The following DST variants were observed in gnomAD, a reference collection of about 807,000 sequenced individuals.
The protein encoded by DST is bullous pemphigoid antigen.
Under a neutral mutation model 875.2 loss-of-function variants are expected in DST, and 253 were observed. That is an observed-to-expected ratio of 0.29 (90% CI 0.26 to 0.32). The LOEUF is 0.32. Among genes scored for constraint, DST ranks in the 10% least tolerant of loss-of-function variants. The pLI is 1.00. For missense variants in DST, 8,287 were observed against 9,111.6 expected (o/e 0.91, Z 3.68); for synonymous variants, 3,124 against 3,197.1 (o/e 0.98, Z 0.77).
chr6:56,485,485 T>G lies in DST; in HGVS notation c.21048-14A>C, dbSNP rs757670804. The G allele has an allele frequency of 4.3e-6, 7 of 1,609,406 alleles. No homozygotes were observed. Among genetic ancestry groups the G allele is most frequent in the Non-Finnish European group, 5.9e-6 (7 of 1,177,774 alleles). The stretch of plus-strand genomic sequence containing the variant: ...AATTTGTTTTGTCTAGGGAAAAAGG[T>G]AGAAAAATTGATCCTTGCAACAAAA... On this transcript the variant is annotated splice_polypyrimidine_tract_variant and intron_variant, in intron 87 of 103. Transcript: ENST00000680361.
intron 69 of DST, among the ~76,000 whole-genome samples, chr6:56,522,119 G>A (rs1351424278): frequency 6.6e-6 from 1 of 152,056 alleles, no homozygotes. Context: ...ATCTAAATAT[G>A]CCTGAAAAAC....
In DST at chr6:56,573,055, G is replaced by T; in HGVS notation, c.13246C>A (p.Gln4416Lys). ...DIISKNIMLE[Q>K]DIAGRQSSIN... is the part of the protein sequence containing the mutation. ...CTGCTCTGACGACCTGCAATATCCT[G>T]TTCCAACATCTAAAATAAACCAAAT... The change falls in exon 52 of 104, where the codon CAG becomes AAG. Residue 4416 changes from glutamine (Q) to lysine (K), a missense_variant. Transcript: ENST00000680361. The T allele has an allele frequency of 6.4e-7, 1 of 1,552,892 alleles. No individual in the cohort carries two copies. The highest frequency in any genetic ancestry group is 8.7e-7 in the Non-Finnish European group (1 of 1,152,238).
chr6:56,677,392 C>T (rs2099136298), intron 9 of DST, among the ~76,000 whole-genome samples: 1 of 152,160 alleles, frequency 6.6e-6, no homozygotes, highest in East Asian at 1.9e-4. Flanking sequence ...TCATAGCTCA[C>T]TGCAGCCTCA....
rs566110628 is a variant in DST, at chr6:56,692,581, G to A, written c.1047+7072C>T. The A allele has an allele frequency of 2.1e-5, 27 of 1,289,634 alleles. No homozygotes were observed. The African/African-American group carries it at 2.7e-4, about 13-fold the overall frequency. 79.9% of individuals were successfully genotyped at this position (1,289,634 alleles called of 1,614,324 possible). On this transcript the variant is annotated intron_variant, in intron 9 of 103. Coordinates refer to ENST00000680361, the MANE Select transcript of DST (RefSeq NM_001374736.1). Reference sequence around the variant, plus strand: ...TTTTTCGAGTGATCTTTCTATACCCGAGGGAATAGAGCTTAAGCTGGCTGC... The same window carrying A: ...TTTTTCGAGTGATCTTTCTATACCCAAGGGAATAGAGCTTAAGCTGGCTGC...
intron 3 of DST, among the ~76,000 whole-genome samples, chr6:56,885,969 A>C (rs1784508583): frequency 6.6e-6 from 1 of 152,188 alleles, no homozygotes; most frequent in Admixed American, 6.5e-5. Context: ...AGAGTTGATT[A>C]TCTAATTTAC....
intron 2 of DST, among the ~76,000 whole-genome samples, chr6:56,928,737 A>AT (rs1270874817): frequency 1.3e-5 from 2 of 152,218 alleles, no homozygotes; most frequent in African/African-American, 2.4e-5. Flanking sequence ...AAGTTAGCAG[A>AT]TTATAAGATT....
intron 68 of DST, among the ~76,000 whole-genome samples, chr6:56,526,797 A>C (rs2096807795): frequency 6.6e-6 from 1 of 152,218 alleles, no homozygotes; most frequent in African/African-American, 2.4e-5. Flanking sequence ...CGACACGGCA[A>C]GATTTTATCT....
At position 56,656,945 on chromosome 6, in the gene DST, C is replaced by G. The variant is rs145473334; in HGVS notation, c.1215-5701G>C. The stretch of plus-strand genomic sequence containing the variant: ...TCCAGATTATTACCAAAACAGAACT[C>G]ATCAATGTGTCCTATACCAATGTTT... On this transcript the variant is annotated intron_variant, in intron 10 of 103. Transcript: ENST00000680361. Among the ~76,000 whole-genome samples the G allele has an allele frequency of 1.1e-3, 171 of 152,174 alleles. 1 individual carries two copies. The highest frequency in any genetic ancestry group is 3.9e-3 in the African/African-American group (162 of 41,542).
intron 4 of DST, among the ~76,000 whole-genome samples, chr6:56,813,569 C>G (rs1449733820): frequency 6.6e-6 from 1 of 151,926 alleles, no homozygotes; most frequent in African/African-American, 2.4e-5. Context: ...CTTTACAATA[C>G]AAATAAAACA....
chr6:56,682,985 A>C (rs976515147), intron 9 of DST, among the ~76,000 whole-genome samples: 1 of 152,228 alleles, frequency 6.6e-6, no homozygotes, highest in Non-Finnish European at 1.5e-5. Context: ...GGCTCATTCT[A>C]CAAAACACTC....
chr6:56,468,214 G>GTT (rs1403867333), intron 98 of DST, among the ~76,000 whole-genome samples: 1 of 152,022 alleles, frequency 6.6e-6, no homozygotes. Flanking sequence ...TCAAAACAGA[G>GTT]TATCTCCTTA....
chr6:56,812,675 A>G (rs1487483577), intron 4 of DST, among the ~76,000 whole-genome samples: 1 of 152,254 alleles, frequency 6.6e-6, no homozygotes, highest in Non-Finnish European at 1.5e-5. Context: ...AACAGTCTTG[A>G]ATATCAAACC....
chr6:56,764,700 G>A (rs139422531), intron 4 of DST, among the ~76,000 whole-genome samples: 3 of 152,270 alleles, frequency 2.0e-5, no homozygotes, highest in African/African-American at 7.2e-5. Context: ...GCTCATGCCT[G>A]TAATCCCAGC....
chr6:56,749,997 T>C (rs2099582685), intron 4 of DST, among the ~76,000 whole-genome samples: 1 of 152,062 alleles, frequency 6.6e-6, no homozygotes, highest in Non-Finnish European at 1.5e-5. Context: ...CCAGAAGGGC[T>C]CTGCCGCTAC....
At chr6:56,901,663 G>C (rs1489498611) in intron 2 of DST, among the ~76,000 whole-genome samples, 1 of 151,906 alleles carries the variant, frequency 6.6e-6, no homozygotes, top group African/African-American at 2.4e-5. Context: ...GTGTGTTTCT[G>C]TGTGTGTATA....
At chr6:56,609,370 G>A (rs1160065211) in intron 39 of DST, 26 bp from the exon 40 acceptor site, 1 of 1,539,592 alleles carries the variant, frequency 6.5e-7, no homozygotes, top group Non-Finnish European at 8.8e-7. Flanking sequence ...AAAAATCTCA[G>A]GTCACTCTGT....
At chr6:56,671,221 C>A (rs1363200085) in intron 9 of DST, among the ~76,000 whole-genome samples, 3 of 152,162 alleles carry the variant, frequency 2.0e-5, no homozygotes, top group African/African-American at 7.2e-5. Context: ...TAAACCAAAA[C>A]TCTACAGTAT....
At chr6:56,912,342 TAATTAAAATTA>T (rs1163098473) in intron 2 of DST, among the ~76,000 whole-genome samples, 1 of 152,216 alleles carries the variant, frequency 6.6e-6, no homozygotes, top group Non-Finnish European at 1.5e-5. Flanking sequence ...AAATTTTAAT[TAATTAAAATTA>T]AATTAAAATT....
chr6:56,689,198 A>G (rs1265886753), intron 9 of DST, among the ~76,000 whole-genome samples: 3 of 152,178 alleles, frequency 2.0e-5, no homozygotes, highest in Admixed American at 6.6e-5. Context: ...AGCAGGACTC[A>G]ACAAATAGCA....
Sources: allele counts gnomAD v4.1 joint callset (sites outside exome capture counted in the v4.1 genomes callset), GRCh38; gene constraint gnomAD v4.1.1; transcripts MANE v1.5; gene names NCBI Gene and HGNC (gene_info 2026-07-23, HGNC 2026-07-21).